LRRK1: variants seen among roughly 807,000 people sequenced by gnomAD.
LRRK1 encodes the protein leucine rich repeat kinase 1.
LRRK1 carries 113 observed loss-of-function variants against 209.1 expected under a neutral mutation model. That is an observed-to-expected ratio of 0.54 (90% confidence interval 0.46 to 0.63). The LOEUF (loss-of-function observed/expected upper bound fraction) is 0.63, where lower values mean the gene tolerates loss of function less well. LRRK1 is among the 30% of genes least tolerant of loss of function. The pLI, the probability that LRRK1 is intolerant of heterozygous loss-of-function variation, is 0.00. For missense variants in LRRK1, 2,284 were observed against 2,632.2 expected (o/e 0.87, Z 2.89); for synonymous variants, 1,144 against 1,099.7 (o/e 1.04, Z -0.80).
chr15:100,961,512 GCA>G (rs2029947653), intron 2 of LRRK1, among the ~76,000 whole-genome samples: 1 of 152,136 alleles, frequency 6.6e-6, no homozygotes, highest in Non-Finnish European at 1.5e-5. Flanking sequence ...AATTAGCCGG[GCA>G]TGGTGGTGCG....
intron 2 of LRRK1, among the ~76,000 whole-genome samples, chr15:100,940,060 T>C (rs1230154477): frequency 2.0e-5 from 3 of 152,234 alleles, no homozygotes; most frequent in African/African-American, 4.8e-5. Context: ...CAGGGCCAGA[T>C]TGTCCATATC....
chr15:100,972,369 T>A (rs879266508), intron 2 of LRRK1, among the ~76,000 whole-genome samples: 12,454 of 125,164 alleles, frequency 0.1, 452 homozygotes, highest in Non-Finnish European at 0.14. Context: ...AGAGAGTGTG[T>A]GTGTGTGTGT....
At chr15:100,923,487 C>T (rs1403796629) in intron 1 of LRRK1, among the ~76,000 whole-genome samples, 1 of 152,236 alleles carries the variant, frequency 6.6e-6, no homozygotes, top group Non-Finnish European at 1.5e-5. Flanking sequence ...CCTCGTACTT[C>T]ATCACATGTA....
intron 4 of LRRK1, among the ~76,000 whole-genome samples, chr15:100,984,427 G>A (rs2031764277): frequency 6.6e-6 from 1 of 151,978 alleles, no homozygotes; most frequent in Non-Finnish European, 1.5e-5. Flanking sequence ...GTATTACATA[G>A]AGCAGTTTCA....
In LRRK1 at chr15:101,046,118, G is replaced by A. The variant is rs749693795; in HGVS notation, c.3101G>A (p.Arg1034Gln). ...GGCTTCTGGCAAAGGTTTATAGCAC[G>A]GATGCTGATCAGCCTGGCGGAGATG... ...PVGFWQRFIA[R>Q]MLISLAEMDL... The change falls in exon 21 of 34, where the codon CGG (arginine) becomes CAG (glutamine). Residue 1034 changes from arginine (R) to glutamine (Q), a missense_variant. Physicochemically the swap from Arg to Gln is conservative, Grantham distance 43 (BLOSUM62 1). This residue lies in a region of LRRK1 where 780 missense variants were observed against 985.2 expected (regional missense o/e 0.79). Coordinates refer to ENST00000388948, the MANE Select transcript of LRRK1 (RefSeq NM_024652.6). 51 of 1,614,130 alleles carry A rather than the reference G, an allele frequency of 3.2e-5. No homozygotes were observed. The highest frequency in any genetic ancestry group is 3.9e-5 in the Non-Finnish European group (46 of 1,180,052).
Position 100,973,803 on chromosome 15 carries a change from G to C in LRRK1, c.98-1G>C, listed in dbSNP as rs893135930. 9 of 1,284,920 alleles carry C rather than the reference G, an allele frequency of 7.0e-6. No individual in the cohort carries two copies. The highest frequency in any genetic ancestry group is 7.9e-6 in the Non-Finnish European group (8 of 1,013,658). 79.6% of individuals were successfully genotyped at this position (1,284,920 alleles called of 1,614,324 possible). On this transcript the variant is annotated splice_acceptor_variant, in intron 2 of 33. Coordinates refer to ENST00000388948, the MANE Select transcript of LRRK1 (RefSeq NM_024652.6). LOFTEE classifies it high-confidence loss of function. ...GTGTGTGTGTGCTTCCTCCCGCGCA[G>C]GTGCCGGGGACACGGGCGGCAAGCC...
At chr15:101,005,163 T>A (rs2032883667) in intron 6 of LRRK1, among the ~76,000 whole-genome samples, 1 of 152,288 alleles carries the variant, frequency 6.6e-6, no homozygotes, top group South Asian at 2.1e-4. Context: ...GGTGTGTCTC[T>A]GTGAATCCAG....
rs767296266 is a variant in LRRK1, at chr15:100,988,650, G to A, written c.450G>A (p.Gln150=). 4 of 1,614,182 alleles carry A rather than the reference G, an allele frequency of 2.5e-6. No individual in the cohort carries two copies. The highest frequency in any genetic ancestry group is 1.6e-4 in the Middle Eastern group (1 of 6,062). Residue 150 remains glutamine (Q), a synonymous_variant, in exon 5 of 34, where the codon CAG becomes CAA. Transcript: ENST00000388948. The part of the protein sequence containing the change: ...LESLPGPCSP[Q]RLLNWMLALA... ...TCCTGCCAGGTCCCTGCAGTCCCCA[G>A]CGGCTTCTGAACTGGATGCTGGCCT...
chr15:101,012,136 C>T lies in LRRK1; in HGVS notation c.1410C>T (p.Phe470=). Residue 470 remains phenylalanine (F), a synonymous_variant, in exon 10 of 34, where the codon TTC becomes TTT. Transcript: ENST00000388948. ...NALKEVPLGL[F]QLDALMFLRL... ...TCAAAGAAGTTCCCCTGGGACTTTTCCAGCTTGATGTAAGCCTAATAGCCC... is the reference window on the plus strand; with the variant it reads ...TCAAAGAAGTTCCCCTGGGACTTTTTCAGCTTGATGTAAGCCTAATAGCCC... 1 of 1,607,980 alleles carries T rather than the reference C, an allele frequency of 6.2e-7. No homozygotes were observed. The highest frequency in any genetic ancestry group is 2.2e-5 in the East Asian group (1 of 44,774).
Position 101,072,919 on chromosome 15 carries a change from G to A in LRRK1, c.*4071G>A, listed in dbSNP as rs138501832. 777 of 153,960 alleles carry A rather than the reference G, an allele frequency of 5.0e-3. 6 individuals are homozygous for A. Among genetic ancestry groups the A allele is most frequent in the Non-Finnish European group, 8.8e-3 (615 of 69,682 alleles). 9.5% of individuals were successfully genotyped at this position (153,960 alleles called of 1,614,324 possible). A position where few individuals can be genotyped will look rare whatever the true frequency, so the allele number is the denominator to read the frequency against. On this transcript the variant is annotated 3_prime_UTR_variant, in exon 34 of 34. Transcript: ENST00000388948. ...TGTTTGGTGGTCTCTTCACATGGAC[G>A]TGCATTAAATTTGGTGCCGTAACTG...
chr15:101,052,827 ACCATGACTCTCGGCCGTTGGGG>A lies in LRRK1; in HGVS notation c.3690-93_3690-72del, dbSNP rs1208631703. The A allele has an allele frequency of 1.1e-5, 16 of 1,426,422 alleles. No homozygotes were observed. The East Asian group carries it at 3.9e-4, about 35-fold the overall frequency. The allele number at this position is 1,426,422 out of a possible 1,614,324, so 88.4% of individuals were successfully genotyped here. On this transcript the variant is annotated intron_variant, in intron 24 of 33. Coordinates refer to ENST00000388948, the MANE Select transcript of LRRK1 (RefSeq NM_024652.6). Reference sequence around the variant, plus strand: ...TGTCCAGCCTCACAGATGGCTTTGAACCATGACTCTCGGCCGTTGGGGCAAATGACCCAGCCCAGGACCCACC... The same window carrying A: ...TGTCCAGCCTCACAGATGGCTTTGAACAAATGACCCAGCCCAGGACCCACC...
chr15:101,003,239 T>C (rs974438663), intron 6 of LRRK1, among the ~76,000 whole-genome samples: 10 of 152,228 alleles, frequency 6.6e-5, no homozygotes, highest in African/African-American at 2.4e-4. Context: ...ATTTTCCGAG[T>C]GTCAACATTT....
At chr15:100,998,049 G>A (rs1453431041) in intron 6 of LRRK1, among the ~76,000 whole-genome samples, 3 of 152,054 alleles carry the variant, frequency 2.0e-5, no homozygotes, top group East Asian at 3.9e-4. Flanking sequence ...GGGTGTGGTG[G>A]TGCATGCCTA....
chr15:101,046,275 C>A (rs572688439), intron 21 of LRRK1, 123 bp downstream of exon 21: 7 of 1,095,758 alleles, frequency 6.4e-6, no homozygotes, highest in South Asian at 6.0e-5. Context: ...TAGAGCCATG[C>A]CACCAATGTA....
At chr15:101,032,689 AG>A (rs2034335154) in intron 20 of LRRK1, among the ~76,000 whole-genome samples, 4 of 152,246 alleles carry the variant, frequency 2.6e-5, no homozygotes, top group Admixed American at 2.6e-4. Flanking sequence ...TATGGGGTGA[AG>A]TAGGGGTCGA....
At position 101,055,163 on chromosome 15, in the gene LRRK1, G is replaced by A. The variant is rs2035724397; in HGVS notation, c.4272G>A (p.Val1424=). The A allele has an allele frequency of 6.2e-7, 1 of 1,610,666 alleles. No homozygotes were observed. Among genetic ancestry groups the A allele is most frequent in the Admixed American group, 1.7e-5 (1 of 59,626 alleles). The part of the protein sequence containing the change: ...RQSFHEGALG[V]EGTPGYQAPE... The stretch of plus-strand genomic sequence containing the variant: ...CATTCCATGAGGGCGCCCTAGGCGT[G>A]GAGGGCACTCCTGGCTACCAGGCCC... Residue 1424 remains valine (V), a synonymous_variant, in exon 27 of 34, where the codon GTG becomes GTA. Coordinates refer to ENST00000388948, the MANE Select transcript of LRRK1 (RefSeq NM_024652.6).
At chr15:100,959,043 C>G (rs1181017625) in intron 2 of LRRK1, among the ~76,000 whole-genome samples, 1 of 152,112 alleles carries the variant, frequency 6.6e-6, no homozygotes. Flanking sequence ...GCTGAAGTGA[C>G]CAGACCTTAG....
At chr15:100,951,961 A>AT (rs998059819) in intron 2 of LRRK1, among the ~76,000 whole-genome samples, 1 of 134,772 alleles carries the variant, frequency 7.4e-6, no homozygotes, top group Non-Finnish European at 1.7e-5. Flanking sequence ...CTCAGAAAAA[A>AT]AAAAATAATA....
At chr15:101,015,616 A>G (rs577660912) in intron 12 of LRRK1, among the ~76,000 whole-genome samples, 205 of 151,888 alleles carry the variant, frequency 1.3e-3, no homozygotes, top group Non-Finnish European at 2.0e-3. Flanking sequence ...CTCAAGCCCC[A>G]CTCTCCTGCG....
Sources: gnomAD v4.1 joint callset for allele counts (sites outside exome capture counted in the v4.1 genomes callset) on GRCh38, gnomAD v4.1.1 for gene constraint, gnomAD v4.1.1 regional missense constraint, MANE v1.5 for transcripts, NCBI Gene and HGNC (gene_info 2026-07-23, HGNC 2026-07-21) for gene names.